HHAT: variants seen among roughly 807,000 people sequenced by gnomAD.
The protein encoded by HHAT is hedgehog acyltransferase.
HHAT carries 47 observed loss-of-function variants against 70.8 expected under a neutral mutation model. The ratio of observed to expected loss-of-function variants is 0.66; its 90% CI spans 0.53 to 0.85. The LOEUF is 0.85. HHAT is among the 40% of genes least tolerant of loss of function. The pLI, the probability that HHAT is intolerant of heterozygous loss-of-function variation, is 0.00. For missense variants in HHAT, 609 were observed against 604.8 expected (o/e 1.01, Z -0.07); for synonymous variants, 228 against 247.6 (o/e 0.92, Z 0.74).
intron 8 of HHAT, among the ~76,000 whole-genome samples, chr1:210,504,900 T>C (rs1470741245): frequency 8.9e-6 from 1 of 112,362 alleles, no homozygotes; most frequent in Non-Finnish European, 1.9e-5. Flanking sequence ...TAGCTTTTTA[T>C]TCTTTTTTTT....
chr1:210,393,295 C>A (rs144692074), intron 4 of HHAT, among the ~76,000 whole-genome samples: 264 of 152,278 alleles, frequency 1.7e-3, no homozygotes, highest in Middle Eastern at 3.4e-3. Context: ...ATGGAGGTGA[C>A]GGTCTTGAGA....
At chr1:210,347,070 A>G (rs1172763036) in intron 1 of HHAT, among the ~76,000 whole-genome samples, 1 of 152,226 alleles carries the variant, frequency 6.6e-6, no homozygotes, top group Non-Finnish European at 1.5e-5. Flanking sequence ...TTTCAAGAAT[A>G]TAATACATTA....
At position 210,356,029 on chromosome 1, in the gene HHAT, A is replaced by G. The variant is rs371215572; in HGVS notation, c.92-6823A>G. Among the ~76,000 whole-genome samples the G allele has an allele frequency of 1.4e-4, 21 of 151,602 alleles. No homozygotes were observed. In the South Asian group the frequency reaches 3.1e-3, roughly 23 times the overall value. On this transcript the variant is annotated intron_variant, in intron 2 of 11. Transcript: ENST00000261458. The stretch of plus-strand genomic sequence containing the variant: ...GTGCTTGGGCTCAAGTGATCCTCCA[A>G]CCTCGGCCTCCTAAGTAGCTAGGAC...
chr1:210,529,815 G>C (rs1300616886), intron 9 of HHAT, among the ~76,000 whole-genome samples: 1 of 152,202 alleles, frequency 6.6e-6, no homozygotes, highest in Non-Finnish European at 1.5e-5. Flanking sequence ...GAGTGAACTG[G>C]AGGGGCCTCA....
At chr1:210,588,786 C>T (rs568011733) in intron 10 of HHAT, 1 of 152,306 alleles carries the variant, frequency 6.6e-6, no homozygotes, top group African/African-American at 2.4e-5. Flanking sequence ...ACCAATGGTG[C>T]ATAAGAATGA....
intron 1 of HHAT, chr1:210,329,406 G>A (rs1230594828): frequency 7.1e-6 from 8 of 1,124,744 alleles, no homozygotes; most frequent in African/African-American, 1.6e-5. Context: ...GAACTGCTGC[G>A]GGGAGTTGCG....
intron 9 of HHAT, among the ~76,000 whole-genome samples, chr1:210,562,531 G>A (rs767825717): frequency 6.6e-6 from 1 of 152,070 alleles, no homozygotes; most frequent in Non-Finnish European, 1.5e-5. Context: ...GCTGAGGTGA[G>A]TCTTTGTCAC....
At chr1:210,486,878 C>T (rs4620549) in intron 8 of HHAT, among the ~76,000 whole-genome samples, 18,194 of 152,142 alleles carry the variant, frequency 0.12, 1,424 homozygotes, top group South Asian at 0.24. Flanking sequence ...AGGCTGCCAG[C>T]CTAAAGGAAA....
At chr1:210,447,740 C>T (rs1309495391) in intron 7 of HHAT, among the ~76,000 whole-genome samples, 2 of 152,196 alleles carry the variant, frequency 1.3e-5, no homozygotes, top group African/African-American at 2.4e-5. Flanking sequence ...TGATTTCTTT[C>T]TCACCAAGCT....
At chr1:210,382,813 C>T (rs2090746284) in intron 3 of HHAT, among the ~76,000 whole-genome samples, 2 of 151,972 alleles carry the variant, frequency 1.3e-5, no homozygotes, top group South Asian at 2.1e-4. Flanking sequence ...ATTGCCTAGT[C>T]AAATAGTGTT....
intron 11 of HHAT, among the ~76,000 whole-genome samples, chr1:210,632,499 C>T (rs1198452821): frequency 1.3e-5 from 2 of 152,180 alleles, no homozygotes; most frequent in African/African-American, 4.8e-5. Context: ...TGCCATGTCA[C>T]CTGCTCATTA....
intron 7 of HHAT, among the ~76,000 whole-genome samples, chr1:210,418,835 C>T (rs143141362): frequency 6.6e-6 from 1 of 152,146 alleles, no homozygotes; most frequent in East Asian, 1.9e-4. Flanking sequence ...GAGTTTGAGA[C>T]CAGCCTGGCC....
chr1:210,388,135 T>G (rs2091216547), intron 4 of HHAT, among the ~76,000 whole-genome samples: 1 of 152,204 alleles, frequency 6.6e-6, no homozygotes, highest in African/African-American at 2.4e-5. Flanking sequence ...GGACCTGATA[T>G]ACTGCCAGGA....
At chr1:210,473,156 CAA>C (rs1379895947) in intron 8 of HHAT, among the ~76,000 whole-genome samples, 1 of 152,142 alleles carries the variant, frequency 6.6e-6, no homozygotes, top group East Asian at 1.9e-4. Flanking sequence ...CAAAATATGT[CAA>C]AGAGATACAT....
Position 210,511,961 on chromosome 1 carries a change from C to T in HHAT, c.1008-1192C>T, listed in dbSNP as rs115202627. The stretch of plus-strand genomic sequence containing the variant: ...CCACCTGGTCTTCTTACTCACAGTC[C>T]GACCCAAAGGGAGAGAAGGGCACTG... On this transcript the variant is annotated intron_variant, in intron 8 of 11. Transcript: ENST00000261458. Among the ~76,000 whole-genome samples the T allele has an allele frequency of 9.6e-3, 1,463 of 151,930 alleles. 24 individuals are homozygous for T. The highest frequency in any genetic ancestry group is 0.033 in the African/African-American group (1,348 of 41,412).
chr1:210,419,922 C>A (rs2092843010), intron 7 of HHAT, among the ~76,000 whole-genome samples: 1 of 152,130 alleles, frequency 6.6e-6, no homozygotes, highest in Non-Finnish European at 1.5e-5. Flanking sequence ...ATGGAAGACA[C>A]AACTCAAAAT....
intron 8 of HHAT, among the ~76,000 whole-genome samples, chr1:210,490,346 C>G (rs79266244): frequency 2.6e-5 from 4 of 152,348 alleles, no homozygotes; most frequent in African/African-American, 9.6e-5. Context: ...CTGCCACCAG[C>G]ATATCTTCTC....
intron 11 of HHAT, among the ~76,000 whole-genome samples, chr1:210,658,530 CT>C (rs1676948642): frequency 6.6e-6 from 1 of 152,112 alleles, no homozygotes; most frequent in Non-Finnish European, 1.5e-5. Context: ...CCTTGTTAAC[CT>C]TCTGTCTCAT....
At chr1:210,544,641 G>A (rs893791516) in intron 9 of HHAT, among the ~76,000 whole-genome samples, 15 of 152,054 alleles carry the variant, frequency 9.9e-5, no homozygotes, top group African/African-American at 3.4e-4. Context: ...CCAAAATGCT[G>A]GGATTATAGG....
Sources: allele counts gnomAD v4.1 joint callset (sites outside exome capture counted in the v4.1 genomes callset), GRCh38; gene constraint gnomAD v4.1.1; transcripts MANE v1.5; gene names NCBI Gene and HGNC (gene_info 2026-07-23, HGNC 2026-07-21).